Variants in DNM2 observed in about 807,000 individuals in gnomAD.
DNM2 encodes dynamin 2, also known as dynamin-2.
Under a neutral mutation model 99.0 loss-of-function variants are expected in DNM2, and 15 were observed. The observed-to-expected ratio is 0.15, with a 90% CI of 0.10 to 0.23. DNM2 has a LOEUF of 0.23. DNM2 is among the 10% of genes least tolerant of loss of function. The pLI, the probability that DNM2 is intolerant of heterozygous loss-of-function variation, is 1.00. For missense variants in DNM2, 742 were observed against 1,189.4 expected (o/e 0.62, Z 5.53); for synonymous variants, 525 against 481.2 (o/e 1.09, Z -1.19).
chr19:10,782,966 T>C lies in DNM2; in HGVS notation c.695T>C (p.Ile232Thr), dbSNP rs749672066. 31 of 1,613,964 alleles carry C rather than the reference T, an allele frequency of 1.9e-5. No individual in the cohort carries two copies. The highest frequency in any genetic ancestry group is 3.3e-5 in the South Asian group (3 of 91,094). ...NKLLPLRRGY[I>T]GVVNRSQKDI... The stretch of plus-strand genomic sequence containing the variant: ...TGACTGCCTCTCCCCACAGGCTACA[T>C]TGGCGTGGTGAACCGCAGCCAGAAG... The change falls in exon 6 of 21, where the codon ATT becomes ACT. Residue 232 changes from isoleucine to threonine, a missense_variant. By Grantham distance (89) the Ile-to-Thr change is moderately conservative (BLOSUM62 -1). Coordinates refer to ENST00000389253, the MANE Select transcript of DNM2 (RefSeq NM_001005361.3).
At chr19:10,774,728 C>CTTTTTTTTTT (rs34413054) in intron 3 of DNM2, among the ~76,000 whole-genome samples, 6 of 121,434 alleles carry the variant, frequency 4.9e-5, no homozygotes, top group African/African-American at 1.9e-4. Context: ...TTGGCCTATG[C>CTTTTTTTTTT]TTTTTTTTTT....
In DNM2 at chr19:10,775,788, G is replaced by T. The variant is rs757708760; in HGVS notation, c.471G>T (p.Lys157Asn). 18 of 1,614,166 alleles carry T rather than the reference G, an allele frequency of 1.1e-5. No homozygotes were observed. Among genetic ancestry groups the T allele is most frequent in the Non-Finnish European group, 1.4e-5 (17 of 1,180,030 alleles). ...CTCCAGACATCGAGTACCAGATCAA[G>T]GACATGATCCTGCAGTTCATCAGCC... ...DQPPDIEYQI[K>N]DMILQFISRE... Residue 157 changes from lysine to asparagine, a missense_variant, in exon 4 of 21, where the codon AAG (lysine) becomes AAT (asparagine). Transcript: ENST00000389253. The surrounding 1 kb of genome is among the most constrained non-coding windows in gnomAD (Gnocchi z 4.3).
chr19:10,718,451 G>T, intron 1 of DNM2, 48 bp downstream of exon 1: 1 of 1,353,736 alleles, frequency 7.4e-7, no homozygotes, highest in Non-Finnish European at 9.5e-7. Context: ...CCTAGGGCGC[G>T]GAGGGCGGAC....
intron 8 of DNM2, 24 bp downstream of exon 8, chr19:10,793,879 C>T (rs754274733): frequency 6.2e-7 from 1 of 1,614,050 alleles, no homozygotes; most frequent in Non-Finnish European, 8.5e-7. Flanking sequence ...GGGCTGGGCC[C>T]TCCCGTCTCT....
At chr19:10,724,803 A>G (rs1049919023) in intron 1 of DNM2, among the ~76,000 whole-genome samples, 1 of 152,198 alleles carries the variant, frequency 6.6e-6, no homozygotes, top group Middle Eastern at 3.2e-3. Flanking sequence ...TTTTCTCAGT[A>G]AGCAGACTCC....
At chr19:10,813,531 G>A (rs1437713322) in intron 15 of DNM2, among the ~76,000 whole-genome samples, 1 of 152,156 alleles carries the variant, frequency 6.6e-6, no homozygotes, top group Admixed American at 6.5e-5. Flanking sequence ...TGACTACTTT[G>A]AAATACACAA....
In DNM2 at chr19:10,814,332, C is replaced by T. The variant is rs1044959717; in HGVS notation, c.1671+1955C>T. Reference sequence around the variant, plus strand: ...ATACAAAATTAATCTGGCGTGGTGGCGCATACCTGTAATCCCAGCTACTCA... The same window carrying T: ...ATACAAAATTAATCTGGCGTGGTGGTGCATACCTGTAATCCCAGCTACTCA... On this transcript the variant is annotated intron_variant, in intron 15 of 20. Transcript: ENST00000389253. 4.0e-5 allele frequency among the ~76,000 whole-genome samples: 6 copies of T among 151,858 alleles called. No homozygotes were observed. In the East Asian group the frequency reaches 9.7e-4, roughly 25 times the overall value.
At chr19:10,768,710 T>TCAC (rs1418245639) in intron 2 of DNM2, 10 of 152,324 alleles carry the variant, frequency 6.6e-5, no homozygotes, top group Non-Finnish European at 1.0e-4. Context: ...CTTTTGCAGC[T>TCAC]CAGACACCTA....
rs571793192 is a variant in DNM2 at position 10,772,134 on chromosome 19, C to T, written c.236-345C>T. Among the ~76,000 whole-genome samples the T allele has an allele frequency of 3.3e-5, 5 of 151,464 alleles. No homozygotes were observed. Among genetic ancestry groups the T allele is most frequent in the Non-Finnish European group, 7.4e-5 (5 of 67,950 alleles). ...CTTCTCTGTCTCCCAGGCTAGAGTG[C>T]AGTGGCGCAATCTCGGCTCACTACA... On this transcript the variant is annotated intron_variant, in intron 2 of 20. Coordinates refer to ENST00000389253, the MANE Select transcript of DNM2 (RefSeq NM_001005361.3). This position sits in a 1 kb window ranked among gnomAD's most constrained non-coding sequence, Gnocchi z 4.9.
At chr19:10,801,396 G>A (rs887568690) in intron 11 of DNM2, among the ~76,000 whole-genome samples, 13 of 151,960 alleles carry the variant, frequency 8.6e-5, no homozygotes, top group African/African-American at 2.9e-4. Flanking sequence ...AAGGTAGGAG[G>A]ATCACTTGAG....
intron 1 of DNM2, among the ~76,000 whole-genome samples, chr19:10,742,625 C>T (rs969145105): frequency 3.9e-5 from 6 of 152,200 alleles, no homozygotes; most frequent in Non-Finnish European, 8.8e-5. Context: ...GCCTGGCCTT[C>T]CTGTCTCTGG....
rs770104369 is a variant in DNM2, at chr19:10,829,099, C to T, written c.2122C>T (p.Leu708Phe). 1.2e-6 allele frequency: 2 copies of T among 1,614,038 alleles called. No individual in the cohort carries two copies. The highest frequency in any genetic ancestry group is 1.7e-6 in the Non-Finnish European group (2 of 1,179,998). The change falls in exon 19 of 21, where the codon CTC becomes TTC. Residue 708 changes from leucine (L) to phenylalanine (F), a missense_variant. Coordinates refer to ENST00000389253, the MANE Select transcript of DNM2 (RefSeq NM_001005361.3). ...ATACTCCTCGGCAGACCAGAGCAGC[C>T]TCATGGAGGAGTCGGCTGACCAGGC... ...YLYSSADQSS[L>F]MEESADQAQR...
intron 6 of DNM2, among the ~76,000 whole-genome samples, chr19:10,784,858 C>G (rs2145970174): frequency 7.8e-6 from 1 of 128,178 alleles, no homozygotes; most frequent in Admixed American, 9.1e-5. Flanking sequence ...GAGCCTCACT[C>G]TGTTGCCCGG....
In DNM2 at chr19:10,817,127, G is replaced by A. The variant is rs1025244993; in HGVS notation, c.1672-2853G>A. ...ACACGTGGCAGCCACCCCTGAGGAGGAGGCCACCCTCTTAGATGCCTCAGT... is the reference window on the plus strand; with the variant it reads ...ACACGTGGCAGCCACCCCTGAGGAGAAGGCCACCCTCTTAGATGCCTCAGT... On this transcript the variant is annotated intron_variant, in intron 15 of 20. Transcript: ENST00000389253. This position sits in a 1 kb window ranked among gnomAD's most constrained non-coding sequence, Gnocchi z 4.6. Among the ~76,000 whole-genome samples, 1 of 152,212 alleles carries A rather than the reference G, an allele frequency of 6.6e-6. No homozygotes were observed. Among genetic ancestry groups the A allele is most frequent in the Non-Finnish European group, 1.5e-5 (1 of 68,034 alleles).
At chr19:10,743,882 G>T (rs2069859413) in intron 1 of DNM2, among the ~76,000 whole-genome samples, 1 of 151,058 alleles carries the variant, frequency 6.6e-6, no homozygotes. Context: ...AGCTACTTGG[G>T]AGGCTGAGGC....
chr19:10,793,061 G>T (rs1477091301), intron 7 of DNM2, among the ~76,000 whole-genome samples: 1 of 152,162 alleles, frequency 6.6e-6, no homozygotes, highest in Non-Finnish European at 1.5e-5. Context: ...ATTTTAACTT[G>T]TGTGAAACCA....
Position 10,812,441 on chromosome 19 carries a change from C to T in DNM2, c.1671+64C>T, listed in dbSNP as rs571718929. ...GGGCAGCCAGGGAAGAGCGGGTGGG[C>T]GCTCCCTCTGGGCAGAACTCAGTCA... On this transcript the variant is annotated intron_variant, in intron 15 of 20. Transcript: ENST00000389253. The surrounding 1 kb of genome is among the most constrained non-coding windows in gnomAD (Gnocchi z 4.0). The T allele has an allele frequency of 7.9e-5, 110 of 1,389,110 alleles. No homozygotes were observed. The highest frequency in any genetic ancestry group is 1.8e-4 in the Admixed American group (9 of 50,388). 86.0% of individuals were successfully genotyped at this position (1,389,110 alleles called of 1,614,324 possible). A position where few individuals can be genotyped will look rare whatever the true frequency, so the allele number is the denominator to read the frequency against.
At chr19:10,737,405 C>G (rs939102318) in intron 1 of DNM2, among the ~76,000 whole-genome samples, 31 of 152,302 alleles carry the variant, frequency 2.0e-4, no homozygotes, top group Admixed American at 1.9e-3. Context: ...ACGCCCCACC[C>G]TGTTCTCTCT....
intron 2 of DNM2, among the ~76,000 whole-genome samples, chr19:10,767,140 GGCT>G (rs1195754575): frequency 6.6e-6 from 1 of 151,880 alleles, no homozygotes; most frequent in Non-Finnish European, 1.5e-5. Flanking sequence ...GCTGGGCCTC[GGCT>G]GCTGCTGCTG....
Sources: gnomAD v4.1 joint callset for allele counts (sites outside exome capture counted in the v4.1 genomes callset) on GRCh38, gnomAD v4.1.1 for gene constraint, Gnocchi (gnomAD v3.1) non-coding constraint, MANE v1.5 for transcripts, NCBI Gene and HGNC (gene_info 2026-07-23, HGNC 2026-07-21) for gene names.